ARK2C: variants seen among roughly 807,000 people sequenced by gnomAD.
ARK2C encodes arkadia (RNF111) C-terminal like ring finger ubiquitin ligase 2C, also known as E3 ubiquitin-protein ligase ARK2C.
At chr18:46,433,636 C>T in the ARK2C span, 2 of 786,616 alleles carry the variant, frequency 2.5e-6, no homozygotes, top group Non-Finnish European at 2.0e-6. Flanking sequence ...CTACAGGCTC[C>T]TAGACTCCTG....
chr18:46,447,655 T>C, the ARK2C span: 1 of 1,614,088 alleles, frequency 6.2e-7, no homozygotes, highest in Non-Finnish European at 8.5e-7. Flanking sequence ...ACTCCTCGAA[T>C]GCACCACTTT....
chr18:46,432,842 G>A, the ARK2C span, among the ~76,000 whole-genome samples: 1 of 152,234 alleles, frequency 6.6e-6, no homozygotes, highest in African/African-American at 2.4e-5. Flanking sequence ...CTACTCGGGA[G>A]GCTGAGGCAG....
chr18:46,386,026 G>T, the ARK2C span: 2 of 152,204 alleles, frequency 1.3e-5, no homozygotes, highest in Admixed American at 6.5e-5. Context: ...CCAACCATCT[G>T]GGCCTCTTTC....
the ARK2C span, among the ~76,000 whole-genome samples, chr18:46,425,787 G>GC: frequency 9.9e-4 from 151 of 152,254 alleles, 1 homozygote; most frequent in African/African-American, 3.2e-3. Flanking sequence ...TCCCTGGGAG[G>GC]CCCCCCGTCT....
At chr18:46,375,688 C>T in the ARK2C span, among the ~76,000 whole-genome samples, 4 of 152,162 alleles carry the variant, frequency 2.6e-5, no homozygotes, top group East Asian at 7.7e-4. Context: ...CCTGGGAGTT[C>T]TCTTGTTCCC....
At chr18:46,336,526 T>C in the ARK2C span, 1 of 985,464 alleles carries the variant, frequency 1.0e-6, no homozygotes, top group Non-Finnish European at 1.2e-6. Flanking sequence ...GTTCATGACC[T>C]TCCGATAGAG....
the ARK2C span, chr18:46,334,410 G>A: frequency 1.5e-6 from 2 of 1,339,298 alleles, no homozygotes; most frequent in African/African-American, 1.5e-5. The surrounding 1 kb of genome is among the most constrained non-coding windows in gnomAD (Gnocchi z 4.4). Context: ...CGGGCGCCGC[G>A]GGCGGCCGGG....
chr18:46,362,320 C>T, the ARK2C span, among the ~76,000 whole-genome samples: 1 of 152,238 alleles, frequency 6.6e-6, no homozygotes. Flanking sequence ...CCTCGGTTTA[C>T]TGTCTCAGGG....
At chr18:46,394,253 C>T in the ARK2C span, among the ~76,000 whole-genome samples, 1 of 152,210 alleles carries the variant, frequency 6.6e-6, no homozygotes, top group Non-Finnish European at 1.5e-5. Context: ...CAGAGGAATC[C>T]TTCTGGGGCA....
the ARK2C span, among the ~76,000 whole-genome samples, chr18:46,398,917 G>A: frequency 6.6e-6 from 1 of 152,140 alleles, no homozygotes; most frequent in Non-Finnish European, 1.5e-5. Context: ...ATGTAGGGCA[G>A]TGGTTCTGAA....
At chr18:46,448,293 T>C in the ARK2C span, among the ~76,000 whole-genome samples, 1 of 152,018 alleles carries the variant, frequency 6.6e-6, no homozygotes, top group African/African-American at 2.4e-5. Flanking sequence ...CCTGGCCTTC[T>C]TGTGTCCTGG....
the ARK2C span, among the ~76,000 whole-genome samples, chr18:46,398,555 C>G: frequency 6.6e-6 from 1 of 151,864 alleles, no homozygotes; most frequent in Non-Finnish European, 1.5e-5. Context: ...GTGGCCGGGA[C>G]TTTAGTGCTA....
At chr18:46,400,377 T>C in the ARK2C span, among the ~76,000 whole-genome samples, 1 of 152,202 alleles carries the variant, frequency 6.6e-6, no homozygotes, top group Non-Finnish European at 1.5e-5. Context: ...AGGTTCCCAG[T>C]GCATAGATAT....
the ARK2C span, among the ~76,000 whole-genome samples, chr18:46,422,535 C>T: frequency 5.3e-5 from 8 of 152,368 alleles, no homozygotes; most frequent in Non-Finnish European, 7.3e-5. Flanking sequence ...TCCACCTGGG[C>T]GCAGCCCCAC....
the ARK2C span, among the ~76,000 whole-genome samples, chr18:46,428,834 G>A: frequency 7.2e-5 from 11 of 152,290 alleles, no homozygotes; most frequent in East Asian, 1.2e-3. Flanking sequence ...GTGACTACTA[G>A]GAAATGTAAA....
the ARK2C span, among the ~76,000 whole-genome samples, chr18:46,419,942 G>A: frequency 0.21 from 31,750 of 151,644 alleles, 3,723 homozygotes; most frequent in East Asian, 0.38. Flanking sequence ...GACGTCCACC[G>A]TCTCTTTTTC....
the ARK2C span, among the ~76,000 whole-genome samples, chr18:46,412,710 C>T: frequency 2.0e-5 from 3 of 152,176 alleles, no homozygotes; most frequent in East Asian, 5.8e-4. Flanking sequence ...TCCTGACTAC[C>T]CCCACCCCTC....
At chr18:46,376,043 C>T in the ARK2C span, among the ~76,000 whole-genome samples, 2 of 152,208 alleles carry the variant, frequency 1.3e-5, no homozygotes, top group Non-Finnish European at 2.9e-5. Flanking sequence ...GTGTGCACAG[C>T]TCAGAACAGG....
At chr18:46,421,008 G>A in the ARK2C span, among the ~76,000 whole-genome samples, 2 of 152,184 alleles carry the variant, frequency 1.3e-5, no homozygotes, top group African/African-American at 4.8e-5. Context: ...CATCCACAGT[G>A]CAGACCCCTC....
Sources: allele counts gnomAD v4.1 joint callset (sites outside exome capture counted in the v4.1 genomes callset), GRCh38; gene constraint gnomAD v4.1.1; non-coding constraint Gnocchi (gnomAD v3.1); transcripts MANE v1.5; gene names NCBI Gene and HGNC (gene_info 2026-07-23, HGNC 2026-07-21).